The following CDK14 variants were observed in gnomAD, a reference collection of about 807,000 sequenced individuals.
CDK14 encodes the protein cyclin-dependent kinase 14.
A neutral mutation model predicts 60.7 loss-of-function variants in CDK14; 34 were observed. The ratio of observed to expected loss-of-function variants is 0.56; its 90% confidence interval spans 0.43 to 0.75. The LOEUF (loss-of-function observed/expected upper bound fraction) is 0.75. Ranked by LOEUF, CDK14 falls within the 30% of genes least tolerant of loss-of-function variation. The pLI is 0.00. For missense variants in CDK14, 482 were observed against 564.1 expected, an observed-to-expected ratio of 0.85 and a Z score of 1.47; for synonymous variants, 197 against 203.7, an observed-to-expected ratio of 0.97 and a Z score of 0.28.
chr7:90,871,910 C>T (rs1233378528), intron 6 of CDK14, among the ~76,000 whole-genome samples: 1 of 152,170 alleles, frequency 6.6e-6, no homozygotes, highest in Non-Finnish European at 1.5e-5. Context: ...CAAGGTTTTA[C>T]AATTGGCATA....
In CDK14 at chr7:91,127,359, G is replaced by C. The variant is rs1428256815; in HGVS notation, c.*28+9151G>C. Among the ~76,000 whole-genome samples the C allele has an allele frequency of 2.6e-5, 4 of 152,038 alleles. No individual in the cohort carries two copies. The East Asian group carries it at 7.7e-4, about 29-fold the overall frequency. ...GACATACTCTCAAATGTTTTATCTGGGCAATTGCGGCAATTCGACAGAAGC... is the reference window on the plus strand; with the variant it reads ...GACATACTCTCAAATGTTTTATCTGCGCAATTGCGGCAATTCGACAGAAGC... On this transcript the variant is annotated intron_variant, in intron 14 of 14. Transcript: ENST00000380050.
chr7:90,887,718 A>G (rs559940535), intron 6 of CDK14, among the ~76,000 whole-genome samples: 6 of 152,170 alleles, frequency 3.9e-5, no homozygotes, highest in African/African-American at 1.2e-4. Flanking sequence ...CTTCTAATAC[A>G]TTCCTCTGAA....
chr7:90,942,176 G>T (rs1180886453), intron 8 of CDK14, among the ~76,000 whole-genome samples: 1 of 152,120 alleles, frequency 6.6e-6, no homozygotes, highest in East Asian at 1.9e-4. Flanking sequence ...TCTCTGACTA[G>T]GGCCGGATTC....
chr7:91,137,478 T>G (rs1800313937), intron 14 of CDK14, among the ~76,000 whole-genome samples: 1 of 152,174 alleles, frequency 6.6e-6, no homozygotes. Flanking sequence ...GAAAAAAAAG[T>G]AATATGTAGG....
chr7:90,705,688 T>C (rs1043643762), intron 2 of CDK14, among the ~76,000 whole-genome samples: 1 of 150,044 alleles, frequency 6.7e-6, no homozygotes, highest in African/African-American at 2.5e-5. Flanking sequence ...AGGAAGCCTG[T>C]AGCAAGAAGA....
At chr7:90,614,544 A>G (rs1436369476) in intron 2 of CDK14, among the ~76,000 whole-genome samples, 2 of 152,046 alleles carry the variant, frequency 1.3e-5, no homozygotes, top group Non-Finnish European at 2.9e-5. Flanking sequence ...CCAACTTACT[A>G]TTTATTTTTT....
At chr7:91,030,002 T>G (rs926568245) in intron 10 of CDK14, among the ~76,000 whole-genome samples, 3 of 152,198 alleles carry the variant, frequency 2.0e-5, no homozygotes, top group Non-Finnish European at 4.4e-5. Context: ...GAGAGTATGA[T>G]GAGGATCACC....
chr7:90,957,076 C>T lies in CDK14; in HGVS notation c.947+1259C>T, dbSNP rs548204285. Among the ~76,000 whole-genome samples the T allele has an allele frequency of 7.6e-3, 1,139 of 149,842 alleles. 3 individuals are homozygous for T. The highest frequency in any genetic ancestry group is 0.012 in the Non-Finnish European group (829 of 67,574). ...TGTGAATAATGCCGCAATAAACATACGTGTGCATGTGTCTTTATAGCAGCA... is the reference window on the plus strand; with the variant it reads ...TGTGAATAATGCCGCAATAAACATATGTGTGCATGTGTCTTTATAGCAGCA... On this transcript the variant is annotated intron_variant, in intron 9 of 14. Transcript: ENST00000380050.
chr7:90,914,642 G>A (rs113861437), intron 7 of CDK14, among the ~76,000 whole-genome samples: 1 of 152,084 alleles, frequency 6.6e-6, no homozygotes, highest in Non-Finnish European at 1.5e-5. Context: ...GTGTATAGTG[G>A]CATTTTTTTC....
chr7:91,095,338 G>C (rs1211190481), intron 12 of CDK14, among the ~76,000 whole-genome samples: 1 of 152,210 alleles, frequency 6.6e-6, no homozygotes, highest in Non-Finnish European at 1.5e-5. Context: ...AATGTGGGGA[G>C]AGTGAGAGAA....
intron 2 of CDK14, among the ~76,000 whole-genome samples, chr7:90,655,925 C>A (rs1800743004): frequency 6.6e-6 from 1 of 152,192 alleles, no homozygotes; most frequent in Non-Finnish European, 1.5e-5. Flanking sequence ...AAATTCCCAT[C>A]TGAAAACCTA....
chr7:91,153,722 G>A (rs1308052369), intron 14 of CDK14, among the ~76,000 whole-genome samples: 1 of 152,098 alleles, frequency 6.6e-6, no homozygotes, highest in Non-Finnish European at 1.5e-5. Flanking sequence ...ACATACTGGG[G>A]CTTATCAGAG....
intron 2 of CDK14, chr7:90,632,652 A>G (rs1309823345): frequency 6.6e-6 from 1 of 152,546 alleles, no homozygotes; most frequent in African/African-American, 2.4e-5. Flanking sequence ...TGCCCAGTCC[A>G]TGTTGTAATG....
chr7:90,998,349 G>T (rs955511874), intron 10 of CDK14, among the ~76,000 whole-genome samples: 1 of 152,144 alleles, frequency 6.6e-6, no homozygotes, highest in African/African-American at 2.4e-5. Context: ...AAAAAAGGAT[G>T]TTGTGGATGA....
At chr7:90,772,684 T>C (rs957262151) in intron 4 of CDK14, among the ~76,000 whole-genome samples, 124 of 152,208 alleles carry the variant, frequency 8.1e-4, no homozygotes, top group African/African-American at 2.9e-3. Context: ...CCCAACCGTG[T>C]TTCCTGAACA....
At chr7:90,906,620 C>A (rs1243911680) in intron 7 of CDK14, among the ~76,000 whole-genome samples, 1 of 151,784 alleles carries the variant, frequency 6.6e-6, no homozygotes, top group Non-Finnish European at 1.5e-5. Flanking sequence ...ACATATTTTT[C>A]TTTGTTGATA....
At chr7:90,657,379 A>G (rs534908155) in intron 2 of CDK14, among the ~76,000 whole-genome samples, 19 of 152,216 alleles carry the variant, frequency 1.2e-4, no homozygotes, top group Non-Finnish European at 2.4e-4. Flanking sequence ...GCCTTGACAG[A>G]GCTCTCAATA....
At chr7:90,937,475 T>C (rs1042070210) in intron 8 of CDK14, among the ~76,000 whole-genome samples, 1 of 152,206 alleles carries the variant, frequency 6.6e-6, no homozygotes, top group Non-Finnish European at 1.5e-5. Context: ...TATCCTGGTT[T>C]CCTATAGCAG....
rs1366462957 is a variant in CDK14, at chr7:91,089,246, TC to T, written c.1154+9769del. 2.6e-5 allele frequency among the ~76,000 whole-genome samples: 4 copies of T among 152,206 alleles called. No homozygotes were observed. In the East Asian group the frequency reaches 7.7e-4, roughly 29 times the overall value. On this transcript the variant is annotated intron_variant, in intron 12 of 14. Coordinates refer to ENST00000380050, the MANE Select transcript of CDK14 (RefSeq NM_001287135.2). The stretch of plus-strand genomic sequence containing the variant: ...CTTCTCTTTCTTCCCCAGCCTCTCC[TC>T]CCTAGTTAAAACAAAGAAAAAATGA...
Sources: gnomAD v4.1 joint callset for allele counts (sites outside exome capture counted in the v4.1 genomes callset) on GRCh38, gnomAD v4.1.1 for gene constraint, MANE v1.5 for transcripts, NCBI Gene and HGNC (gene_info 2026-07-23, HGNC 2026-07-21) for gene names.